The following CABP4 variants were observed in gnomAD, a reference collection of about 807,000 sequenced individuals.
CABP4 encodes calcium binding protein 4.
Under a neutral mutation model 30.7 loss-of-function variants are expected in CABP4, and 30 were observed. The observed-to-expected ratio is 0.98, with a 90% confidence interval of 0.73 to 1.33. The LOEUF (loss-of-function observed/expected upper bound fraction) is 1.33, where lower values mean the gene tolerates loss of function less well. Ranked by LOEUF, CABP4 falls within the 40% of genes most tolerant of loss-of-function variation. CABP4 has a pLI of 0.00. For missense variants in CABP4, 424 were observed against 395.5 expected (o/e 1.07, Z -0.61); for synonymous variants, 161 against 159.2 (o/e 1.01, Z -0.08).
In CABP4 at chr11:67,456,726, C is replaced by T. The variant is rs371165042; in HGVS notation, c.541+284C>T. On this transcript the variant is annotated intron_variant, in intron 3 of 5. Transcript: ENST00000325656. ...ACTATACACATTTGCTCCTTTCACC[C>T]GAGCCCTTCCTGCCTCGCTGGCCCA... 4.3e-4 allele frequency among the ~76,000 whole-genome samples: 66 copies of T among 152,336 alleles called. No homozygotes were observed. In the East Asian group the frequency reaches 6.7e-3, roughly 16 times the overall value.
At chr11:67,454,791 A>AC (rs1005073510), upstream of CABP4, among the ~76,000 whole-genome samples, 10 of 151,924 alleles carry the variant, frequency 6.6e-5, no homozygotes, top group Non-Finnish European at 1.3e-4. Context: ...AGACTCTAAG[A>AC]CCCCAAGGTC....
chr11:67,456,059 G>A (rs1191036082), intron 1 of CABP4, 129 bp from the exon 2 acceptor site: 20 of 1,558,784 alleles, frequency 1.3e-5, no homozygotes, highest in Admixed American at 1.7e-5. Context: ...GGTCCCACGA[G>A]GCTTCAGGGT....
Position 67,455,451 on chromosome 11 carries a change from C to A in CABP4, c.28C>A (p.Gln10Lys), listed in dbSNP as rs1864730410. Residue 10 changes from glutamine to lysine, a missense_variant, in exon 1 of 6, where the codon CAG (glutamine) becomes AAG (lysine). Gln to Lys is a moderately conservative substitution (Grantham distance 53, BLOSUM62 1). Transcript: ENST00000325656. ...GACCACAGAGCAGGCAAGGGGGCAG[C>A]AGGGCCCAAATCTGGCCATTGGCCG... MTTEQARGQ[Q>K]GPNLAIGRQK... 6.2e-7 allele frequency: 1 copy of A among 1,611,270 alleles called. No individual in the cohort carries two copies. The highest frequency in any genetic ancestry group is 8.5e-7 in the Non-Finnish European group (1 of 1,179,510).
chr11:67,453,877 G>A (rs1864662176), upstream of CABP4, among the ~76,000 whole-genome samples: 1 of 152,058 alleles, frequency 6.6e-6, no homozygotes, highest in Non-Finnish European at 1.5e-5. Context: ...GGTTCCCATG[G>A]GCCCAGGGGA....
chr11:67,452,968 A>C (rs1448372998), upstream of CABP4: 2 of 426,092 alleles, frequency 4.7e-6, no homozygotes, highest in Non-Finnish European at 8.3e-6. Context: ...GAATCAGTGA[A>C]GGTAGGAAGG....
chr11:67,457,531 C>A, intron 3 of CABP4, 42 bp from the exon 4 acceptor site: 6 of 1,519,668 alleles, frequency 3.9e-6, no homozygotes, highest in Non-Finnish European at 5.4e-6. Context: ...GGGCTTCAGA[C>A]CTTATGCCCT....
At chr11:67,452,850 CA>C (rs1278884927), upstream of CABP4, 9 of 723,800 alleles carry the variant, frequency 1.2e-5, no homozygotes, top group Admixed American at 2.9e-5. Context: ...CTCCCTGCGC[CA>C]TTGTCATCAC....
rs1186670819 is a variant in CABP4 at position 67,460,017 on chromosome 11, G to A, written c.*1358G>A. On this transcript the variant is annotated 3_prime_UTR_variant, in exon 6 of 6. Coordinates refer to ENST00000325656, the MANE Select transcript of CABP4 (RefSeq NM_145200.5). ...ACCACCATGAAGGAGACGAGACAGAGACAAAAACAAGAGGACTGGCATCTC... is the reference window on the plus strand; with the variant it reads ...ACCACCATGAAGGAGACGAGACAGAAACAAAAACAAGAGGACTGGCATCTC... 1.3e-5 allele frequency: 2 copies of A among 152,160 alleles called. No individual in the cohort carries two copies. The highest frequency in any genetic ancestry group is 2.9e-5 in the Non-Finnish European group (2 of 68,044). 9.4% of individuals were successfully genotyped at this position (152,160 alleles called of 1,614,324 possible).
In CABP4 at chr11:67,461,452, G is replaced by A. The variant is rs1027226198; in HGVS notation, c.*2793G>A. ...AGGAACAAACTGAAGTCAGAGTAGGGTAAATAAAAATAAATATATATCTGG... is the reference window on the plus strand; with the variant it reads ...AGGAACAAACTGAAGTCAGAGTAGGATAAATAAAAATAAATATATATCTGG... On this transcript the variant is annotated 3_prime_UTR_variant, in exon 6 of 6. Transcript: ENST00000325656. Among the ~76,000 whole-genome samples the A allele has an allele frequency of 1.3e-5, 2 of 152,146 alleles. No homozygotes were observed. Among genetic ancestry groups the A allele is most frequent in the Non-Finnish European group, 2.9e-5 (2 of 68,028 alleles).
In CABP4 at chr11:67,460,196, A is replaced by T. The variant is rs192714120; in HGVS notation, c.*1537A>T. On this transcript the variant is annotated 3_prime_UTR_variant, in exon 6 of 6. Transcript: ENST00000325656. Reference sequence around the variant, plus strand: ...ACCCAACAGGCCAGGCGCATGGCTCATGCCTGGAATCCCAGCACTTTGGGA... The same window carrying T: ...ACCCAACAGGCCAGGCGCATGGCTCTTGCCTGGAATCCCAGCACTTTGGGA... 1 of 152,420 alleles carries T rather than the reference A, an allele frequency of 6.6e-6. No homozygotes were observed. The highest frequency in any genetic ancestry group is 1.5e-5 in the Non-Finnish European group (1 of 68,094). 9.4% of individuals were successfully genotyped at this position (152,420 alleles called of 1,614,324 possible).
rs1482314855 is a variant in CABP4 at position 67,456,189 on chromosome 11, AC to A, written c.370del (p.Arg124AlafsTer8). The A allele has an allele frequency of 1.2e-6, 2 of 1,612,972 alleles. No homozygotes were observed. Among genetic ancestry groups the A allele is most frequent in the Non-Finnish European group, 1.7e-6 (2 of 1,179,888 alleles). On this transcript the variant is annotated frameshift_variant and splice_region_variant, in exon 2 of 6. Transcript: ENST00000325656. LOFTEE classifies it high-confidence loss of function. ...ACATCCTGGACTCTCCCCCTGCAGG[AC>A]CGCGAACTGGGCCCCGAGGAGCTAG... ...GPLLNRVFGK[D>X]RELGPEELDE...
rs368817076 is a variant in CABP4, at chr11:67,456,478, G to A, written c.541+36G>A. The A allele has an allele frequency of 1.5e-5, 24 of 1,602,908 alleles. No individual in the cohort carries two copies. The African/African-American group carries it at 1.6e-4, about 11-fold the overall frequency. ...GAGCCCGCCCGCCCGGGCAGCCTGCGTAGTTCAGGGGGTCACGAGGGGCTG... is the reference window on the plus strand; with the variant it reads ...GAGCCCGCCCGCCCGGGCAGCCTGCATAGTTCAGGGGGTCACGAGGGGCTG... On this transcript the variant is annotated intron_variant, in intron 3 of 5. Transcript: ENST00000325656.
In CABP4 at chr11:67,458,687, C is replaced by G. The variant is rs1864919702; in HGVS notation, c.*28C>G. The G allele has an allele frequency of 6.2e-7, 1 of 1,613,474 alleles. No individual in the cohort carries two copies. On this transcript the variant is annotated 3_prime_UTR_variant, in exon 6 of 6. Coordinates refer to ENST00000325656, the MANE Select transcript of CABP4 (RefSeq NM_145200.5). ...CTCCAGGAGGGAATATCTGTTGCCCCTGCGGCCCCAGACACCAGCCAGACC... is the reference window on the plus strand; with the variant it reads ...CTCCAGGAGGGAATATCTGTTGCCCGTGCGGCCCCAGACACCAGCCAGACC...
chr11:67,452,938 C>T (rs564332846), upstream of CABP4: 13 of 489,442 alleles, frequency 2.7e-5, no homozygotes, highest in Non-Finnish European at 4.3e-5. Context: ...ACTTTACAGG[C>T]GAGGACAGGA....
At position 67,457,581 on chromosome 11, in the gene CABP4, C is replaced by T. The variant is rs369700438; in HGVS notation, c.550C>T (p.Arg184Cys). 150 of 1,588,280 alleles carry T rather than the reference C, an allele frequency of 9.4e-5. No homozygotes were observed. Among genetic ancestry groups the T allele is most frequent in the African/African-American group, 4.4e-4 (33 of 74,672 alleles). ...SQHIKMRMGGRVDFEEFVELI... is the reference protein window; with the variant it reads ...SQHIKMRMGGCVDFEEFVELI... ...TCTTCCTGGGTCTGCAGTGGGCGGC[C>T]GTGTGGACTTTGAGGAGTTTGTAGA... The change falls in exon 4 of 6, where the codon CGT becomes TGT. Residue 184 changes from arginine to cysteine, a missense_variant. Physicochemically the swap from Arg to Cys is radical, Grantham distance 180. Coordinates refer to ENST00000325656, the MANE Select transcript of CABP4 (RefSeq NM_145200.5).
At chr11:67,452,727 G>T, upstream of CABP4, 1 of 1,552,120 alleles carries the variant, frequency 6.4e-7, no homozygotes, top group African/African-American at 1.4e-5. Flanking sequence ...GTGTCCATTT[G>T]GGGTCCCCAG....
intron 1 of CABP4, 139 bp from the exon 2 acceptor site, chr11:67,456,049 G>C: frequency 6.6e-7 from 1 of 1,513,112 alleles, no homozygotes; most frequent in East Asian, 2.3e-5. Flanking sequence ...GCTCCTCCTG[G>C]GTCCCACGAG....
chr11:67,461,110 G>C lies in CABP4; in HGVS notation c.*2451G>C, dbSNP rs931674596. Among the ~76,000 whole-genome samples the C allele has an allele frequency of 1.3e-5, 2 of 152,034 alleles. No homozygotes were observed. On this transcript the variant is annotated 3_prime_UTR_variant, in exon 6 of 6. Coordinates refer to ENST00000325656, the MANE Select transcript of CABP4 (RefSeq NM_145200.5). ...CCAGGAGTTTGAGACCAGCCTAACAGCAAGACCCTGCCTCTTAAAAAAAAT... is the reference window on the plus strand; with the variant it reads ...CCAGGAGTTTGAGACCAGCCTAACACCAAGACCCTGCCTCTTAAAAAAAAT...
At chr11:67,457,275 A>G (rs1205178382) in intron 3 of CABP4, among the ~76,000 whole-genome samples, 1 of 152,152 alleles carries the variant, frequency 6.6e-6, no homozygotes. Context: ...GGAGGGCAGT[A>G]AGTCAGCCAA....
Sources: allele counts gnomAD v4.1 joint callset (sites outside exome capture counted in the v4.1 genomes callset), GRCh38; gene constraint gnomAD v4.1.1; transcripts MANE v1.5; gene names NCBI Gene and HGNC (gene_info 2026-07-23, HGNC 2026-07-21).